Variants in CNTNAP2 observed in about 807,000 individuals in gnomAD.
CNTNAP2 encodes the protein contactin-associated protein-like 2.
Under a neutral mutation model 155.2 loss-of-function variants are expected in CNTNAP2, and 98 were observed. The ratio of observed to expected loss-of-function variants is 0.63; its 90% CI spans 0.54 to 0.75. CNTNAP2 has a LOEUF of 0.75. CNTNAP2 is among the 30% of genes least tolerant of loss of function. The probability of loss-of-function intolerance (pLI) is 0.00; values close to 1 mark genes in which losing one functional copy is unlikely to be tolerated. For missense variants in CNTNAP2, 1,727 were observed against 1,688.1 expected, an observed-to-expected ratio of 1.02 and a Z score of -0.40; for synonymous variants, 651 against 631.2, an observed-to-expected ratio of 1.03 and a Z score of -0.47.
At chr7:148,204,818 A>G (rs1401314904) in intron 18 of CNTNAP2, among the ~76,000 whole-genome samples, 1 of 152,208 alleles carries the variant, frequency 6.6e-6, no homozygotes, top group Non-Finnish European at 1.5e-5. Flanking sequence ...TCTGAAGTTC[A>G]GCAGATTTGC....
chr7:146,696,302 T>C (rs1171630068), intron 1 of CNTNAP2, among the ~76,000 whole-genome samples: 2 of 152,202 alleles, frequency 1.3e-5, no homozygotes, highest in African/African-American at 4.8e-5. Flanking sequence ...GGTTATCAAA[T>C]CTGTAAGCAT....
intron 11 of CNTNAP2, among the ~76,000 whole-genome samples, chr7:147,560,162 C>T (rs1241851911): frequency 2.1e-5 from 1 of 47,272 alleles, no homozygotes; most frequent in East Asian, 1.1e-3. Flanking sequence ...GAACGAAACT[C>T]CGTCTCAAAA....
chr7:147,504,354 A>G (rs7781317), intron 11 of CNTNAP2, among the ~76,000 whole-genome samples: 71,458 of 151,886 alleles, frequency 0.47, 17,738 homozygotes, highest in Non-Finnish European at 0.57. Context: ...GCAATCATTT[A>G]TTCTAGCTAC....
chr7:146,951,671 G>A (rs1026852621), intron 3 of CNTNAP2, among the ~76,000 whole-genome samples: 1 of 152,154 alleles, frequency 6.6e-6, no homozygotes, highest in African/African-American at 2.4e-5. Flanking sequence ...TTTGTTACCA[G>A]TACCATGCTG....
At chr7:147,046,903 G>A (rs1323985006) in intron 4 of CNTNAP2, among the ~76,000 whole-genome samples, 9 of 150,714 alleles carry the variant, frequency 6.0e-5, no homozygotes, top group Non-Finnish European at 1.2e-4. Flanking sequence ...ATTGTGGCGG[G>A]CGCCTGTAGT....
intron 1 of CNTNAP2, among the ~76,000 whole-genome samples, chr7:146,511,378 A>T (rs1300563616): frequency 1.3e-5 from 2 of 152,190 alleles, no homozygotes; most frequent in Non-Finnish European, 2.9e-5. Flanking sequence ...ATCTCAAAGG[A>T]AAGGGTTTCA....
Position 146,445,325 on chromosome 7 carries a change from G to GA in CNTNAP2, c.97+328358dup, listed in dbSNP as rs528686233. Reference sequence around the variant, plus strand: ...TAGCTGTTGTGTACATGGTAGCTTTGAAAAAAGAGAAATTTACTTGTGATC... The same window carrying GA: ...TAGCTGTTGTGTACATGGTAGCTTTGAAAAAAAGAGAAATTTACTTGTGATC... On this transcript the variant is annotated intron_variant, in intron 1 of 23. Coordinates refer to ENST00000361727, the MANE Select transcript of CNTNAP2 (RefSeq NM_014141.6). 1.1e-4 allele frequency among the ~76,000 whole-genome samples: 17 copies of GA among 152,188 alleles called. No individual in the cohort carries two copies. In the South Asian group the frequency reaches 3.5e-3, roughly 32 times the overall value.
At chr7:147,648,315 G>C (rs1339809962) in intron 13 of CNTNAP2, among the ~76,000 whole-genome samples, 3 of 152,110 alleles carry the variant, frequency 2.0e-5, no homozygotes, top group Non-Finnish European at 4.4e-5. Flanking sequence ...CTAAAGACAA[G>C]GGCAGAAGTT....
At chr7:146,431,815 G>A (rs138501591) in intron 1 of CNTNAP2, among the ~76,000 whole-genome samples, 19 of 152,140 alleles carry the variant, frequency 1.2e-4, no homozygotes, top group South Asian at 4.1e-4. Context: ...AGACTAACAC[G>A]TTTATTTTGT....
intron 9 of CNTNAP2, among the ~76,000 whole-genome samples, chr7:147,315,905 A>G (rs1392791897): frequency 6.6e-6 from 1 of 152,006 alleles, no homozygotes; most frequent in Non-Finnish European, 1.5e-5. Context: ...ACAGTACTTT[A>G]TCCCTATTTA....
intron 14 of CNTNAP2, among the ~76,000 whole-genome samples, chr7:147,965,242 T>G (rs940644493): frequency 3.1e-4 from 47 of 152,206 alleles, no homozygotes; most frequent in African/African-American, 1.0e-3. Flanking sequence ...GGCAGTAATA[T>G]TCATGACTTT....
intron 14 of CNTNAP2, among the ~76,000 whole-genome samples, chr7:147,949,458 A>ATATATATATATATATTT (rs1433579404): frequency 8.0e-5 from 11 of 137,406 alleles, no homozygotes; most frequent in East Asian, 2.1e-4. Flanking sequence ...ATATATATAT[A>ATATATATATATATATTT]TTTTTTTTTT....
intron 1 of CNTNAP2, among the ~76,000 whole-genome samples, chr7:146,483,326 T>TACAC (rs796153393): frequency 6.3e-5 from 5 of 79,236 alleles, no homozygotes; most frequent in East Asian, 2.9e-4. Flanking sequence ...TATATATATA[T>TACAC]ATACATATAT....
At chr7:146,127,944 A>G (rs1381613156) in intron 1 of CNTNAP2, among the ~76,000 whole-genome samples, 1 of 152,206 alleles carries the variant, frequency 6.6e-6, no homozygotes, top group Non-Finnish European at 1.5e-5. Context: ...ATATAATTTT[A>G]TAAGTATAAA....
chr7:147,001,276 C>T (rs4725699), intron 3 of CNTNAP2, among the ~76,000 whole-genome samples: 22,689 of 151,876 alleles, frequency 0.15, 2,622 homozygotes, highest in African/African-American at 0.31. Context: ...ATGTTTCTTC[C>T]GGTGGGTGAT....
intron 4 of CNTNAP2, among the ~76,000 whole-genome samples, chr7:147,074,884 A>G (rs1170617547): frequency 2.9e-4 from 44 of 152,174 alleles, no homozygotes; most frequent in Non-Finnish European, 4.4e-5. Flanking sequence ...TGCTTGGCAT[A>G]TCTAATGGTG....
intron 1 of CNTNAP2, among the ~76,000 whole-genome samples, chr7:146,695,230 T>G (rs1014848781): frequency 3.9e-5 from 6 of 152,128 alleles, no homozygotes; most frequent in Admixed American, 1.3e-4. Context: ...TACGTTTTTG[T>G]AGATATCTAT....
At chr7:146,839,131 G>A (rs1375140088) in intron 2 of CNTNAP2, among the ~76,000 whole-genome samples, 2 of 151,896 alleles carry the variant, frequency 1.3e-5, no homozygotes, top group African/African-American at 2.4e-5. Flanking sequence ...GGTATTGACT[G>A]TATATCTTCT....
chr7:147,940,593 G>C (rs1013765316), intron 14 of CNTNAP2, among the ~76,000 whole-genome samples: 8 of 151,986 alleles, frequency 5.3e-5, no homozygotes, highest in African/African-American at 1.9e-4. Flanking sequence ...TGAGTGCAGT[G>C]GCGTGAACAC....
Sources: gnomAD v4.1 joint callset for allele counts (sites outside exome capture counted in the v4.1 genomes callset) on GRCh38, gnomAD v4.1.1 for gene constraint, MANE v1.5 for transcripts, NCBI Gene and HGNC (gene_info 2026-07-23, HGNC 2026-07-21) for gene names.